Variants in FN1 observed in about 807,000 individuals in gnomAD.
FN1 encodes fibronectin 1.
In FN1, 106 loss-of-function variants were observed where a neutral mutation model predicts 297.3. The observed-to-expected ratio is 0.36, with a 90% CI of 0.30 to 0.42. FN1 has a LOEUF of 0.42. FN1 is among the 10% of genes least tolerant of loss of function. The pLI, the probability that FN1 is intolerant of heterozygous loss-of-function variation, is 1.00. For synonymous variants in FN1, 1,149 were observed against 1,152.6 expected (o/e 1.00, Z 0.06); for missense variants, 2,690 against 3,124.9 (o/e 0.86, Z 3.32).
At chr2:215,403,477 C>T (rs2061389362) in intron 20 of FN1, among the ~76,000 whole-genome samples, 1 of 152,236 alleles carries the variant, frequency 6.6e-6, no homozygotes, top group East Asian at 1.9e-4. Flanking sequence ...AAATTGCAAA[C>T]TAGTCCATGG....
At position 215,373,414 on chromosome 2, in the gene FN1, G is replaced by A. The variant is rs1482216617; in HGVS notation, c.6158-3C>T. ...ATATTCGGTTCCCGGTTCCAGGCCT[G>A]AAGGGAGAATAGAACCATCACATTA... is the stretch of plus-strand genomic sequence containing the variant. On this transcript the variant is annotated splice_polypyrimidine_tract_variant and splice_region_variant and intron_variant, in intron 38 of 45. Transcript: ENST00000354785. 2 of 1,610,982 alleles carry A rather than the reference G, an allele frequency of 1.2e-6. No individual in the cohort carries two copies. Among genetic ancestry groups the A allele is most frequent in the Admixed American group, 3.3e-5 (2 of 59,956 alleles).
At chr2:215,378,337 G>T in intron 34 of FN1, 75 bp from the exon 35 acceptor site, 1 of 791,992 alleles carries the variant, frequency 1.3e-6, no homozygotes. Flanking sequence ...ACAGCATTAG[G>T]TAAATGCAAT....
In FN1 at chr2:215,361,480, G is replaced by A. The variant is rs1167365469; in HGVS notation, c.*75C>T. 3 of 1,037,530 alleles carry A rather than the reference G, an allele frequency of 2.9e-6. No individual in the cohort carries two copies. The highest frequency in any genetic ancestry group is 4.0e-4 in the Middle Eastern group (2 of 4,966). The allele number at this position is 1,037,530 out of a possible 1,614,324, so 64.3% of individuals were successfully genotyped here. A position where few individuals can be genotyped will look rare whatever the true frequency, so the allele number is the denominator to read the frequency against. On this transcript the variant is annotated 3_prime_UTR_variant, in exon 46 of 46. Coordinates refer to ENST00000354785, the MANE Select transcript of FN1 (RefSeq NM_212482.4). ...GAAAGAAAGAAGAACTCTAAGCTGG[G>A]TCTGCTAACATCACTCCAGTTTAGA...
intron 20 of FN1, among the ~76,000 whole-genome samples, chr2:215,402,240 T>C (rs2061255699): frequency 6.6e-6 from 1 of 152,218 alleles, no homozygotes; most frequent in South Asian, 2.1e-4. Context: ...GATGATGCTC[T>C]CTGCCTGGGA....
At chr2:215,397,004 T>C in intron 23 of FN1, 133 bp downstream of exon 23, 1 of 767,060 alleles carries the variant, frequency 1.3e-6, no homozygotes, top group South Asian at 1.4e-5. Context: ...CATCATGTAC[T>C]GCTATAGTTT....
At chr2:215,428,723 G>T (rs1374304737) in intron 5 of FN1, among the ~76,000 whole-genome samples, 1 of 152,110 alleles carries the variant, frequency 6.6e-6, no homozygotes, top group African/African-American at 2.4e-5. Context: ...CCTTGCTTTA[G>T]AAAACTAAAA....
Position 215,394,568 on chromosome 2 carries a change from A to G in FN1, c.3756T>C (p.Asp1252=), listed in dbSNP as rs2060081838. The part of the protein sequence containing the change: ...EYNVSVYTVK[D]DKESVPISDT... Reference sequence around the variant, plus strand: ...CAGAGATAGGGACACTTTCCTTGTCATCCTTGACAGTGTAAACACTGACAT... The same window carrying G: ...CAGAGATAGGGACACTTTCCTTGTCGTCCTTGACAGTGTAAACACTGACAT... The change falls in exon 24 of 46, where the codon GAT becomes GAC. Residue 1252 remains aspartate, a synonymous_variant. Coordinates refer to ENST00000354785, the MANE Select transcript of FN1 (RefSeq NM_212482.4). 1 of 1,614,002 alleles carries G rather than the reference A, an allele frequency of 6.2e-7. No homozygotes were observed. The highest frequency in any genetic ancestry group is 2.2e-5 in the East Asian group (1 of 44,894).
In FN1 at chr2:215,399,183, C is replaced by G. The variant is rs1049726230; in HGVS notation, c.3348+74G>C. On this transcript the variant is annotated intron_variant, in intron 21 of 45. Coordinates refer to ENST00000354785, the MANE Select transcript of FN1 (RefSeq NM_212482.4). ...CCAGGTCTCCTGACTCCTGAGCACC[C>G]TGTTTCCACTACATGGGAACCACAA... The G allele has an allele frequency of 4.4e-6, 5 of 1,123,632 alleles. No homozygotes were observed. In the African/African-American group the frequency reaches 7.9e-5, roughly 18 times the overall value. The allele number at this position is 1,123,632 out of a possible 1,614,324, so 69.6% of individuals were successfully genotyped here. A position where few individuals can be genotyped will look rare whatever the true frequency, so the allele number is the denominator to read the frequency against.
At chr2:215,365,739 A>G in intron 42 of FN1, 109 bp from the exon 43 acceptor site, 1 of 942,726 alleles carries the variant, frequency 1.1e-6, no homozygotes, top group Admixed American at 2.1e-5. Context: ...ATGATCTGGA[A>G]AAATAGCAAG....
chr2:215,393,687 T>C (rs1270657344), intron 24 of FN1: 2 of 152,240 alleles, frequency 1.3e-5, no homozygotes, highest in South Asian at 2.1e-4. Context: ...ACAAAACTCA[T>C]GACAACATCA....
intron 1 of FN1, among the ~76,000 whole-genome samples, chr2:215,435,263 G>A (rs1462984055): frequency 2.0e-5 from 3 of 152,054 alleles, no homozygotes; most frequent in Non-Finnish European, 4.4e-5. Flanking sequence ...CCACCCCCAT[G>A]TTGAAAATAT....
intron 13 of FN1, among the ~76,000 whole-genome samples, chr2:215,413,002 T>G (rs2062897151): frequency 6.6e-6 from 1 of 152,298 alleles, no homozygotes; most frequent in African/African-American, 2.4e-5. Context: ...TCATGACTGC[T>G]GGGTGGATCA....
chr2:215,379,211 C>A lies in FN1; in HGVS notation c.5541G>T (p.Val1847=). Residue 1847 remains valine, a synonymous_variant, in exon 34 of 46, where the codon GTG becomes GTT. Coordinates refer to ENST00000354785, the MANE Select transcript of FN1 (RefSeq NM_212482.4). ...NVQLTGYRVR[V]TPKEKTGPMK... ...TTGGTCCGGTCTTCTCCTTGGGGGTCACCCGCACTCGATATCCAGTGAGCT... is the reference window on the plus strand; with the variant it reads ...TTGGTCCGGTCTTCTCCTTGGGGGTAACCCGCACTCGATATCCAGTGAGCT... 6.2e-7 allele frequency: 1 copy of A among 1,614,066 alleles called. No individual in the cohort carries two copies. Among genetic ancestry groups the A allele is most frequent in the Middle Eastern group, 1.6e-4 (1 of 6,062 alleles).
At chr2:215,385,093 C>T (rs2058732341) in intron 28 of FN1, 117 bp from the exon 29 acceptor site, 1 of 763,106 alleles carries the variant, frequency 1.3e-6, no homozygotes, top group African/African-American at 1.7e-5. Context: ...CATGTAAATA[C>T]TACGTGTAAT....
chr2:215,383,514 A>G, intron 30 of FN1, 31 bp from the exon 31 acceptor site: 3 of 1,613,562 alleles, frequency 1.9e-6, no homozygotes, highest in Non-Finnish European at 2.5e-6. Context: ...AAACCAGTGA[A>G]GCCCCAGTCC....
intron 2 of FN1, among the ~76,000 whole-genome samples, chr2:215,434,383 C>A (rs190834033): frequency 3.3e-4 from 48 of 146,698 alleles, no homozygotes; most frequent in Non-Finnish European, 6.3e-4. Context: ...AGACTGCTTT[C>A]TAATAAATTA....
At chr2:215,391,897 A>G (rs2059750785) in intron 25 of FN1, 83 bp from the exon 26 acceptor site, 2 of 1,099,092 alleles carry the variant, frequency 1.8e-6, no homozygotes, top group Admixed American at 1.8e-5. Context: ...TAAAATCAAT[A>G]TTTCATGCAT....
intron 10 of FN1, chr2:215,421,173 G>C: frequency 3.1e-6 from 1 of 321,170 alleles, no homozygotes; most frequent in South Asian, 2.7e-5. Context: ...GGATAAATAA[G>C]AAGAAGATTA....
chr2:215,414,567 A>G, intron 13 of FN1: 2 of 624,938 alleles, frequency 3.2e-6, no homozygotes, highest in Non-Finnish European at 2.3e-6. Flanking sequence ...AGTCCTTGCA[A>G]AAAAGATTTC....
Sources: gnomAD v4.1 joint callset for allele counts (sites outside exome capture counted in the v4.1 genomes callset) on GRCh38, gnomAD v4.1.1 for gene constraint, MANE v1.5 for transcripts, NCBI Gene and HGNC (gene_info 2026-07-23, HGNC 2026-07-21) for gene names.